FUBP3: variants seen among roughly 807,000 people sequenced by gnomAD.
FUBP3 encodes far upstream element-binding protein 3.
In FUBP3, 28 loss-of-function variants were observed where a neutral mutation model predicts 85.6. That is an observed-to-expected ratio of 0.33 (90% CI 0.24 to 0.45). The LOEUF (loss-of-function observed/expected upper bound fraction) is 0.45, where lower values mean the gene tolerates loss of function less well. Among genes scored for constraint, FUBP3 ranks in the 20% least tolerant of loss-of-function variants. FUBP3 has a pLI of 1.00. For missense variants in FUBP3, 583 were observed against 755.1 expected, an observed-to-expected ratio of 0.77 and a Z score of 2.67; for synonymous variants, 271 against 271.4, an observed-to-expected ratio of 1.00 and a Z score of 0.01.
At chr9:130,633,357 A>G (rs534129389) in intron 16 of FUBP3, among the ~76,000 whole-genome samples, 5 of 152,260 alleles carry the variant, frequency 3.3e-5, no homozygotes, top group African/African-American at 9.6e-5. Flanking sequence ...GCTTGGCCAT[A>G]GGGGCTAACC....
Position 130,626,438 on chromosome 9 carries a change from C to T in FUBP3, c.1050C>T (p.Ala350=), listed in dbSNP as rs1829976937. 2.5e-6 allele frequency: 4 copies of T among 1,613,950 alleles called. No individual in the cohort carries two copies. Among genetic ancestry groups the T allele is most frequent in the Non-Finnish European group, 3.4e-6 (4 of 1,179,868 alleles). ...GRGRGDWSVG[A]PGGVQEITYT... ...GCCGTGGCGACTGGAGCGTGGGAGC[C>T]CCTGGTGGCGTCCAGGAGATAACAT... is the stretch of plus-strand genomic sequence containing the variant. Residue 350 remains alanine, a synonymous_variant, in exon 12 of 19, where the codon GCC becomes GCT. Transcript: ENST00000319725.
At chr9:130,588,166 G>T (rs1830435589) in intron 1 of FUBP3, among the ~76,000 whole-genome samples, 1 of 152,124 alleles carries the variant, frequency 6.6e-6, no homozygotes, top group African/African-American at 2.4e-5. Flanking sequence ...GTGGCATTGT[G>T]ATGTGATTAT....
chr9:130,579,699 G>T lies in FUBP3; in HGVS notation c.19G>T (p.Gly7Trp). 1 of 1,264,926 alleles carries T rather than the reference G, an allele frequency of 7.9e-7. No homozygotes were observed. The allele number at this position is 1,264,926 out of a possible 1,614,324, so 78.4% of individuals were successfully genotyped here. The change falls in exon 1 of 19, where the codon GGG (glycine) becomes TGG (tryptophan). Residue 7 changes from glycine (G) to tryptophan (W), a missense_variant. Coordinates refer to ENST00000319725, the MANE Select transcript of FUBP3 (RefSeq NM_003934.2). ...GGCGGTAATGGCGGAGCTGGTGCAGGGGCAGAGCGCTCCTGTGGGGATGAA... is the reference window on the plus strand; with the variant it reads ...GGCGGTAATGGCGGAGCTGGTGCAGTGGCAGAGCGCTCCTGTGGGGATGAA... MAELVQ[G>W]QSAPVGMKAE...
At chr9:130,591,324 C>T (rs1400700958) in intron 1 of FUBP3, among the ~76,000 whole-genome samples, 1 of 151,974 alleles carries the variant, frequency 6.6e-6, no homozygotes, top group African/African-American at 2.4e-5. Flanking sequence ...ATGCCTGTAA[C>T]CCCAGCTACT....
At chr9:130,628,930 T>C (rs532175178) in intron 12 of FUBP3, among the ~76,000 whole-genome samples, 5 of 152,180 alleles carry the variant, frequency 3.3e-5, no homozygotes, top group African/African-American at 1.2e-4. Flanking sequence ...CCACCACACC[T>C]GGCTAATTTT....
At position 130,631,601 on chromosome 9, in the gene FUBP3, C is replaced by T; in HGVS notation, c.1323C>T (p.Phe441=). 1 of 1,613,952 alleles carries T rather than the reference C, an allele frequency of 6.2e-7. No homozygotes were observed. Among genetic ancestry groups the T allele is most frequent in the Non-Finnish European group, 8.5e-7 (1 of 1,179,788 alleles). ...GAPGAFGQSP[F]SQPPAPPHQN... ...CTGGAGCCTTCGGACAGAGTCCATT[C>T]AGCCAGCCACCTGCCCCACCTCATC... The change falls in exon 14 of 19, where the codon TTC becomes TTT. Residue 441 remains phenylalanine, a synonymous_variant. Coordinates refer to ENST00000319725, the MANE Select transcript of FUBP3 (RefSeq NM_003934.2).
intron 12 of FUBP3, among the ~76,000 whole-genome samples, chr9:130,627,279 C>T (rs1830015690): frequency 6.6e-6 from 1 of 152,242 alleles, no homozygotes; most frequent in Non-Finnish European, 1.5e-5. Context: ...AGCCAGGCCT[C>T]GCTGCCAGCG....
intron 5 of FUBP3, among the ~76,000 whole-genome samples, chr9:130,613,466 T>A (rs755770658): frequency 6.6e-6 from 1 of 152,228 alleles, no homozygotes; most frequent in African/African-American, 2.4e-5. Flanking sequence ...CCTGGCTGAA[T>A]TAGCACTCAC....
chr9:130,614,309 G>A lies in FUBP3; in HGVS notation c.368G>A (p.Arg123Lys). Reference sequence around the variant, plus strand: ...ATAGAGAGTTCTGGGATTCCAGAGAGGCCCTGTGTACTTACCGGAACCCCA... The same window carrying A: ...ATAGAGAGTTCTGGGATTCCAGAGAAGCCCTGTGTACTTACCGGAACCCCA... The part of the protein sequence containing the change: ...IASESSGIPE[R>K]PCVLTGTPES... The change falls in exon 6 of 19, where the codon AGG becomes AAG. Residue 123 changes from arginine (R) to lysine (K), a missense_variant. Physicochemically the swap from Arg to Lys is conservative, Grantham distance 26. This residue lies in a region of FUBP3 where 177 missense variants were observed against 221.9 expected (regional missense o/e 0.80). Transcript: ENST00000319725. 6.2e-7 allele frequency: 1 copy of A among 1,605,690 alleles called. No homozygotes were observed. The highest frequency in any genetic ancestry group is 8.5e-7 in the Non-Finnish European group (1 of 1,172,580).
chr9:130,610,662 A>C (rs753564425), intron 3 of FUBP3, among the ~76,000 whole-genome samples: 12 of 152,212 alleles, frequency 7.9e-5, no homozygotes, highest in African/African-American at 1.9e-4. Flanking sequence ...AGAAACTGCC[A>C]CAGTTTCTCT....
intron 12 of FUBP3, 85 bp from the exon 13 acceptor site, chr9:130,630,543 T>C (rs1830169288): frequency 9.1e-7 from 1 of 1,097,310 alleles, no homozygotes. Context: ...TCCCCCCGAG[T>C]TGTCTTCTGG....
chr9:130,634,800 G>A (rs369947768), intron 17 of FUBP3, 62 bp downstream of exon 17: 156 of 1,304,590 alleles, frequency 1.2e-4, no homozygotes, highest in Middle Eastern at 3.6e-4. Flanking sequence ...AGACTTCAGA[G>A]TCCAAGGCTC....
rs1382646096 is a variant in FUBP3, at chr9:130,595,583, A to G, written c.185A>G (p.Asp62Gly). 3 of 1,428,156 alleles carry G rather than the reference A, an allele frequency of 2.1e-6. No homozygotes were observed. The African/African-American group carries it at 4.2e-5, about 20-fold the overall frequency. 88.5% of individuals were successfully genotyped at this position (1,428,156 alleles called of 1,614,324 possible). A position where few individuals can be genotyped will look rare whatever the true frequency, so the allele number is the denominator to read the frequency against. The change falls in exon 2 of 19, where the codon GAT (aspartate) becomes GGT (glycine). Residue 62 changes from aspartate (D) to glycine (G), a missense_variant. This residue lies in a region of FUBP3 where 177 missense variants were observed against 221.9 expected (regional missense o/e 0.80). Transcript: ENST00000319725. ...GGAGTACAAAAACGGCCCTTGGATG[A>G]TGGAGGTAAGTTGCCAGAAATATCT... ...GYGVQKRPLD[D>G]GVGNQLGALV...
chr9:130,585,638 G>T (rs1429952869), intron 1 of FUBP3, among the ~76,000 whole-genome samples: 1 of 152,200 alleles, frequency 6.6e-6, no homozygotes, highest in Admixed American at 6.5e-5. Flanking sequence ...ACATGCTTAT[G>T]TGCATTAACT....
chr9:130,608,844 C>G (rs552756853), intron 2 of FUBP3, among the ~76,000 whole-genome samples: 10 of 152,032 alleles, frequency 6.6e-5, no homozygotes, highest in Middle Eastern at 3.4e-3. Context: ...TTTCCTTTGT[C>G]TCTTTACTGT....
In FUBP3 at chr9:130,616,350, C is replaced by G; in HGVS notation, c.405-5C>G. The G allele has an allele frequency of 6.2e-7, 1 of 1,613,918 alleles. No homozygotes were observed. Among genetic ancestry groups the G allele is most frequent in the South Asian group, 1.1e-5 (1 of 91,054 alleles). On this transcript the variant is annotated splice_region_variant and splice_polypyrimidine_tract_variant and intron_variant, in intron 6 of 18. Coordinates refer to ENST00000319725, the MANE Select transcript of FUBP3 (RefSeq NM_003934.2). The surrounding 1 kb of genome is among the most constrained non-coding windows in gnomAD (Gnocchi z 4.7). ...GTTCTCTTGTGGTTCTTTTCCCTCC[C>G]AAAGACAAGCCAAACGGCTCCTGGG... is the stretch of plus-strand genomic sequence containing the variant.
intron 13 of FUBP3, chr9:130,631,306 C>G: frequency 7.2e-7 from 1 of 1,392,000 alleles, no homozygotes; most frequent in Admixed American, 3.1e-5. Flanking sequence ...TGGTCCCTAC[C>G]CCCAGGGTGA....
At chr9:130,613,468 A>G (rs550767412) in intron 5 of FUBP3, among the ~76,000 whole-genome samples, 1 of 152,326 alleles carries the variant, frequency 6.6e-6, no homozygotes, top group South Asian at 2.1e-4. Context: ...TGGCTGAATT[A>G]GCACTCACTG....
At chr9:130,626,158 G>C (rs1829962941) in intron 11 of FUBP3, 2 of 557,264 alleles carry the variant, frequency 3.6e-6, no homozygotes, top group South Asian at 2.4e-5. Flanking sequence ...ACGTGTGTTC[G>C]TCTGCACAGG....
Sources: allele counts gnomAD v4.1 joint callset (sites outside exome capture counted in the v4.1 genomes callset), GRCh38; gene constraint gnomAD v4.1.1; regional missense constraint gnomAD v4.1.1; non-coding constraint Gnocchi (gnomAD v3.1); transcripts MANE v1.5; gene names NCBI Gene and HGNC (gene_info 2026-07-23, HGNC 2026-07-21).